The following TNRC6B variants were observed in gnomAD, a reference collection of about 807,000 sequenced individuals.
The protein encoded by TNRC6B is trinucleotide repeat-containing gene 6B protein.
In TNRC6B, 52 loss-of-function variants were observed where a neutral mutation model predicts 203.6. The observed-to-expected ratio is 0.26, with a 90% CI of 0.20 to 0.32. The LOEUF is 0.32. TNRC6B is among the 10% of genes least tolerant of loss of function. The pLI, the probability that TNRC6B is intolerant of heterozygous loss-of-function variation, is 1.00. For missense variants in TNRC6B, 1,923 were observed against 2,286.2 expected, an observed-to-expected ratio of 0.84 and a Z score of 3.24; for synonymous variants, 838 against 845.7, an observed-to-expected ratio of 0.99 and a Z score of 0.16.
chr22:40,045,729 T>C (rs1163902469), intron 1 of TNRC6B: 1 of 152,244 alleles, frequency 6.6e-6, no homozygotes, highest in African/African-American at 2.4e-5. Context: ...AGTTCCAGAC[T>C]ACCGGTTTAT....
intron 1 of TNRC6B, among the ~76,000 whole-genome samples, chr22:40,076,213 TC>T (rs1263313452): frequency 6.6e-6 from 1 of 152,160 alleles, no homozygotes; most frequent in Non-Finnish European, 1.5e-5. Flanking sequence ...GCCCAGAAGT[TC>T]AAGACCAGCT....
intron 3 of TNRC6B, among the ~76,000 whole-genome samples, chr22:40,154,465 AAAATAAATAAAT>A (rs534543473): frequency 1.3e-5 from 2 of 151,678 alleles, no homozygotes; most frequent in Non-Finnish European, 2.9e-5. Context: ...CTCCATCTCA[AAAATAAATAAAT>A]AAATAAATAA....
intron 2 of TNRC6B, among the ~76,000 whole-genome samples, chr22:40,122,324 A>G (rs2068453698): frequency 6.6e-6 from 1 of 152,050 alleles, no homozygotes; most frequent in Non-Finnish European, 1.5e-5. Flanking sequence ...TCCCGCTGCC[A>G]CTGCTATTAT....
intron 1 of TNRC6B, among the ~76,000 whole-genome samples, chr22:40,057,764 A>G (rs1024609801): frequency 6.6e-6 from 1 of 152,152 alleles, no homozygotes; most frequent in Non-Finnish European, 1.5e-5. Context: ...GAGGAAGGCA[A>G]TCCAAAGTAA....
At chr22:40,231,168 T>C (rs930845479) in intron 1 of TNRC6B, among the ~76,000 whole-genome samples, 2 of 152,180 alleles carry the variant, frequency 1.3e-5, no homozygotes, top group Non-Finnish European at 2.9e-5. Flanking sequence ...TTATAATAAG[T>C]CTTCACGTCA....
At chr22:40,248,748 T>G (rs1266129195) in intron 2 of TNRC6B, among the ~76,000 whole-genome samples, 2 of 152,172 alleles carry the variant, frequency 1.3e-5, no homozygotes, top group East Asian at 3.8e-4. Flanking sequence ...TAAATAAAAT[T>G]TTTAAGTGAT....
intron 12 of TNRC6B, among the ~76,000 whole-genome samples, chr22:40,293,933 T>A (rs1289470389): frequency 6.6e-6 from 1 of 150,520 alleles, no homozygotes; most frequent in Non-Finnish European, 1.5e-5. Context: ...GACCAAAGTG[T>A]CTGCTCTACC....
At chr22:40,138,856 T>TA (rs987074602) in intron 3 of TNRC6B, among the ~76,000 whole-genome samples, 1 of 151,816 alleles carries the variant, frequency 6.6e-6, no homozygotes, top group Non-Finnish European at 1.5e-5. Flanking sequence ...TTCAAAGTAC[T>TA]AAAAAAAAGT....
chr22:40,111,575 G>C (rs889704924), intron 1 of TNRC6B, among the ~76,000 whole-genome samples: 1 of 152,198 alleles, frequency 6.6e-6, no homozygotes, highest in Non-Finnish European at 1.5e-5. Context: ...TTTGGTGAGA[G>C]GAAGGAACTG....
chr22:40,133,298 T>C (rs1381503619), intron 3 of TNRC6B, among the ~76,000 whole-genome samples: 2 of 152,154 alleles, frequency 1.3e-5, no homozygotes, highest in Non-Finnish European at 2.9e-5. Flanking sequence ...CTTCTTTTTA[T>C]TGAGATATTA....
intron 3 of TNRC6B, among the ~76,000 whole-genome samples, chr22:40,141,113 TTCTC>T (rs1010217337): frequency 1.9e-4 from 29 of 151,954 alleles, no homozygotes; most frequent in African/African-American, 5.5e-4. Flanking sequence ...TGCTTCAAAT[TTCTC>T]TCTCTCTACT....
At chr22:40,125,712 GAA>G in intron 2 of TNRC6B, 2 of 1,323,814 alleles carry the variant, frequency 1.5e-6, no homozygotes, top group Non-Finnish European at 2.0e-6. Flanking sequence ...CTAAACCTTT[GAA>G]AAAAAAATTT....
At position 40,095,714 on chromosome 22, in the gene TNRC6B, G is replaced by A. The variant is rs546470409; in HGVS notation, c.-120-21341G>A. 6.0e-5 allele frequency among the ~76,000 whole-genome samples: 9 copies of A among 150,354 alleles called. No homozygotes were observed. The East Asian group carries it at 1.7e-3, about 29-fold the overall frequency. On this transcript the variant is annotated intron_variant, in intron 1 of 23. Transcript: ENST00000301923. ...CATCTAGTAGGCAATTATCAGTTTT[G>A]CTCACTTGCCCCTTTATTATATGAT... is the stretch of plus-strand genomic sequence containing the variant.
chr22:40,049,567 A>G (rs1377923071), intron 1 of TNRC6B, among the ~76,000 whole-genome samples: 1 of 152,108 alleles, frequency 6.6e-6, no homozygotes, highest in Admixed American at 6.5e-5. Flanking sequence ...CCTCTCTTCC[A>G]TACTCCAAAA....
intron 3 of TNRC6B, among the ~76,000 whole-genome samples, chr22:40,258,004 ACT>A (rs1401189107): frequency 6.6e-6 from 1 of 150,820 alleles, no homozygotes; most frequent in African/African-American, 2.4e-5. Flanking sequence ...ACAGAGCAAG[ACT>A]CAGTCTCAAA....
intron 17 of TNRC6B, among the ~76,000 whole-genome samples, chr22:40,311,727 G>C (rs1235925199): frequency 6.6e-6 from 1 of 152,080 alleles, no homozygotes; most frequent in Non-Finnish European, 1.5e-5. Flanking sequence ...ATGTTTAGTA[G>C]AGACAGGGTT....
intron 4 of TNRC6B, among the ~76,000 whole-genome samples, chr22:40,165,094 C>CTTT (rs764182245): frequency 7.6e-6 from 1 of 130,782 alleles, no homozygotes; most frequent in Non-Finnish European, 1.7e-5. Flanking sequence ...CCCCCCGGCT[C>CTTT]TTTTTTTTTT....
intron 4 of TNRC6B, among the ~76,000 whole-genome samples, chr22:40,162,720 A>C (rs1276355712): frequency 6.6e-6 from 1 of 152,228 alleles, no homozygotes; most frequent in African/African-American, 2.4e-5. Flanking sequence ...TAGCAAGTTG[A>C]ACTCTCTGTA....
At chr22:40,318,623 T>G (rs1482256979) in intron 21 of TNRC6B, among the ~76,000 whole-genome samples, 1 of 152,198 alleles carries the variant, frequency 6.6e-6, no homozygotes, top group Non-Finnish European at 1.5e-5. Context: ...AAGAATCTTG[T>G]ATGACCATCC....
Sources: allele counts gnomAD v4.1 joint callset (sites outside exome capture counted in the v4.1 genomes callset), GRCh38; gene constraint gnomAD v4.1.1; transcripts MANE v1.5; gene names NCBI Gene and HGNC (gene_info 2026-07-23, HGNC 2026-07-21).